MYCBP2: variants seen among roughly 807,000 people sequenced by gnomAD.
The protein encoded by MYCBP2 is MYC binding protein 2, also known as E3 ubiquitin-protein ligase MYCBP2.
In MYCBP2, 120 loss-of-function variants were observed where a neutral mutation model predicts 525.3. The ratio of observed to expected loss-of-function variants is 0.23; its 90% CI spans 0.20 to 0.27. MYCBP2 has a LOEUF of 0.27. Ranked by LOEUF, MYCBP2 falls within the 10% of genes least tolerant of loss-of-function variation. The pLI is 1.00. For synonymous variants in MYCBP2, 1,894 were observed against 1,955.8 expected (o/e 0.97, Z 0.83); for missense variants, 4,149 against 5,657.1 (o/e 0.73, Z 8.55).
chr13:77,326,893 G>T lies in MYCBP2; in HGVS notation c.-118C>A. On this transcript the variant is annotated 5_prime_UTR_variant, in exon 1 of 83. Transcript: ENST00000544440. This position sits in a 1 kb window ranked among gnomAD's most constrained non-coding sequence, Gnocchi z 4.2. ...GCTCCGGCGGCGGCCTCTGGCTCCC[G>T]CAGCAGGGAGACTACAAAGACAGCG... is the stretch of plus-strand genomic sequence containing the variant. 1.1e-6 allele frequency: 1 copy of T among 948,628 alleles called. No individual in the cohort carries two copies. The highest frequency in any genetic ancestry group is 1.4e-6 in the Non-Finnish European group (1 of 701,834). 58.8% of individuals were successfully genotyped at this position (948,628 alleles called of 1,614,324 possible).
chr13:77,111,618 C>A (rs967052632), intron 55 of MYCBP2, among the ~76,000 whole-genome samples: 7 of 151,000 alleles, frequency 4.6e-5, no homozygotes, highest in Admixed American at 2.6e-4. Flanking sequence ...GAGACAGGGT[C>A]TCGCTTTGTT....
intron 34 of MYCBP2, among the ~76,000 whole-genome samples, chr13:77,178,496 G>C (rs2059926932): frequency 6.6e-6 from 1 of 152,192 alleles, no homozygotes. Flanking sequence ...AATATATACA[G>C]TGATATTTTT....
At chr13:77,201,023 A>G (rs2062467644) in intron 26 of MYCBP2, among the ~76,000 whole-genome samples, 1 of 152,158 alleles carries the variant, frequency 6.6e-6, no homozygotes. Context: ...TAATGACAGG[A>G]CCAAATTCAC....
intron 55 of MYCBP2, among the ~76,000 whole-genome samples, chr13:77,107,122 C>T (rs1181013565): frequency 1.3e-5 from 2 of 152,090 alleles, no homozygotes; most frequent in African/African-American, 4.8e-5. Flanking sequence ...AACAGTGTTG[C>T]TGACTTTCCT....
intron 55 of MYCBP2, among the ~76,000 whole-genome samples, chr13:77,119,658 ATTAT>A (rs2050354461): frequency 1.3e-5 from 2 of 152,218 alleles, no homozygotes; most frequent in South Asian, 4.1e-4. Flanking sequence ...TAAGTTTCTT[ATTAT>A]TTCTTTGCTC....
At chr13:77,322,034 C>A (rs905337606) in intron 1 of MYCBP2, among the ~76,000 whole-genome samples, 1 of 152,134 alleles carries the variant, frequency 6.6e-6, no homozygotes, top group Non-Finnish European at 1.5e-5. Context: ...GTGGTGCATG[C>A]CTGTAGTCCC....
intron 20 of MYCBP2, 78 bp downstream of exon 20, chr13:77,224,373 G>C: frequency 2.2e-6 from 2 of 898,762 alleles, no homozygotes; most frequent in Non-Finnish European, 3.5e-6. Flanking sequence ...CTTAAAAAGA[G>C]AAAAGAAAGA....
At chr13:77,053,386 A>C (rs1412123369) in intron 80 of MYCBP2, among the ~76,000 whole-genome samples, 3 of 152,216 alleles carry the variant, frequency 2.0e-5, no homozygotes, top group Admixed American at 1.3e-4. Context: ...CTCATAGTCA[A>C]AAAGCTATGT....
Position 77,285,857 on chromosome 13 carries a change from GGGAAAGGAAAGGAAAGGAAA to G in MYCBP2, c.594+2284_594+2303del, listed in dbSNP as rs71102731. 2.5e-3 allele frequency among the ~76,000 whole-genome samples: 372 copies of G among 146,132 alleles called. 3 individuals carry two copies. Among genetic ancestry groups the G allele is most frequent in the African/African-American group, 7.7e-3 (296 of 38,390 alleles). On this transcript the variant is annotated intron_variant, in intron 3 of 82. Transcript: ENST00000544440. ...GGGAAAAGAAAAAAGGAGAAAGGAA[GGGAAAGGAAAGGAAAGGAAA>G]GGAAAGGAAAGGAAAGGAAAGCAAA...
At chr13:77,145,480 C>A (rs2055379772) in intron 48 of MYCBP2, among the ~76,000 whole-genome samples, 1 of 152,104 alleles carries the variant, frequency 6.6e-6, no homozygotes, top group Non-Finnish European at 1.5e-5. Context: ...TAGGTGACAA[C>A]CATTCCTCAG....
chr13:77,123,607 G>A (rs1164118930), intron 54 of MYCBP2, among the ~76,000 whole-genome samples: 1 of 152,150 alleles, frequency 6.6e-6, no homozygotes, highest in African/African-American at 2.4e-5. Context: ...TGGGAAAACT[G>A]AGGCACAGAG....
At chr13:77,113,326 C>G (rs2049156633) in intron 55 of MYCBP2, among the ~76,000 whole-genome samples, 1 of 152,100 alleles carries the variant, frequency 6.6e-6, no homozygotes, top group Non-Finnish European at 1.5e-5. Context: ...GCTCTTGTTG[C>G]ACTTAAAACA....
intron 3 of MYCBP2, among the ~76,000 whole-genome samples, chr13:77,284,893 A>G (rs1195221222): frequency 6.6e-6 from 1 of 152,144 alleles, no homozygotes; most frequent in Non-Finnish European, 1.5e-5. Flanking sequence ...GTGTCAAATA[A>G]CTTCCAGTGT....
intron 68 of MYCBP2, among the ~76,000 whole-genome samples, chr13:77,074,091 T>C (rs749609246): frequency 2.7e-4 from 40 of 146,532 alleles, no homozygotes; most frequent in Non-Finnish European, 4.6e-4. Context: ...CCAAAATAAC[T>C]TAGATAAAGA....
At chr13:77,067,917 G>A in intron 70 of MYCBP2, 53 bp from the exon 71 acceptor site, 2 of 1,509,564 alleles carry the variant, frequency 1.3e-6, no homozygotes, top group East Asian at 2.3e-5. Context: ...ATGTTTTAAG[G>A]TTTCTTTTAT....
chr13:77,151,796 C>T (rs2056495746), intron 46 of MYCBP2, among the ~76,000 whole-genome samples: 1 of 152,154 alleles, frequency 6.6e-6, no homozygotes, highest in Admixed American at 6.5e-5. Flanking sequence ...CTGAAAAATA[C>T]TTTTTAGAAA....
intron 51 of MYCBP2, 72 bp from the exon 52 acceptor site, chr13:77,139,408 C>G: frequency 6.7e-7 from 1 of 1,499,520 alleles, no homozygotes; most frequent in Non-Finnish European, 9.0e-7. Context: ...GTCTGAAAGT[C>G]TGCAAAGCAG....
chr13:77,324,968 T>G lies in MYCBP2; in HGVS notation c.302+1506A>C, dbSNP rs149499562. Among the ~76,000 whole-genome samples, 17 of 152,378 alleles carry G rather than the reference T, an allele frequency of 1.1e-4. No individual in the cohort carries two copies. In the East Asian group the frequency reaches 3.3e-3, roughly 29 times the overall value. On this transcript the variant is annotated intron_variant, in intron 1 of 82. Transcript: ENST00000544440. ...GGGCAAACTGTCTCACGTAGTTTTG[T>G]GCTATTTTCAAAAGCATTAGCAAGA...
At chr13:77,277,887 A>G (rs181154024) in intron 4 of MYCBP2, among the ~76,000 whole-genome samples, 47 of 152,324 alleles carry the variant, frequency 3.1e-4, no homozygotes, top group Middle Eastern at 3.4e-3. Flanking sequence ...AGCATCGGAG[A>G]AAAAAAGCAA....
Sources: gnomAD v4.1 joint callset for allele counts (sites outside exome capture counted in the v4.1 genomes callset) on GRCh38, gnomAD v4.1.1 for gene constraint, Gnocchi (gnomAD v3.1) non-coding constraint, MANE v1.5 for transcripts, NCBI Gene and HGNC (gene_info 2026-07-23, HGNC 2026-07-21) for gene names.